Variants in EGFR observed in about 807,000 individuals in gnomAD.
The protein encoded by EGFR is avian erythroblastic leukemia viral (v-erb-b) oncogene homolog.
In EGFR, 58 loss-of-function variants were observed where a neutral mutation model predicts 143.0. The observed-to-expected ratio is 0.41, with a 90% CI of 0.33 to 0.50. The LOEUF is 0.50. EGFR is among the 20% of genes least tolerant of loss of function. EGFR has a pLI of 0.39. For synonymous variants in EGFR, 613 were observed against 594.4 expected, an observed-to-expected ratio of 1.03 and a Z score of -0.45; for missense variants, 1,307 against 1,579.0, an observed-to-expected ratio of 0.83 and a Z score of 2.92.
intron 1 of EGFR, among the ~76,000 whole-genome samples, chr7:55,078,057 C>G (rs950313933): frequency 2.6e-5 from 4 of 152,146 alleles, no homozygotes; most frequent in East Asian, 3.9e-4. Context: ...TTTAGAATAA[C>G]GTGCGCGAGT....
intron 1 of EGFR, among the ~76,000 whole-genome samples, chr7:55,123,855 G>A (rs116159231): frequency 0.023 from 3,548 of 151,492 alleles, 159 homozygotes; most frequent in African/African-American, 0.082. Flanking sequence ...GAATGTGCCC[G>A]TATGTGCATG....
chr7:55,172,880 T>C, intron 16 of EGFR, 103 bp from the exon 17 acceptor site: 5 of 1,609,750 alleles, frequency 3.1e-6, no homozygotes, highest in Non-Finnish European at 2.5e-6. Flanking sequence ...AAGATCATTC[T>C]ACAAGATGTC....
chr7:55,019,457 G>A (rs953142914), intron 1 of EGFR, 92 bp downstream of exon 1: 14 of 712,590 alleles, frequency 2.0e-5, no homozygotes, highest in Non-Finnish European at 2.6e-5. Flanking sequence ...CACCGGCTCG[G>A]CGCCCGCGCC....
intron 26 of EGFR, among the ~76,000 whole-genome samples, chr7:55,202,171 T>C (rs985932616): frequency 6.6e-6 from 1 of 152,228 alleles, no homozygotes; most frequent in African/African-American, 2.4e-5. Context: ...CTACTTCAAC[T>C]TAAATGTTAA....
rs17290075 is a variant in EGFR, at chr7:55,162,797, T to C, written c.1632-936T>C. On this transcript the variant is annotated intron_variant, in intron 13 of 27. Coordinates refer to ENST00000275493, the MANE Select transcript of EGFR (RefSeq NM_005228.5). ...GGGAGGATGAAAGGCACACACTTTT[T>C]TGTTGTTTTTTGAGACAGAGTCTCA... Among the ~76,000 whole-genome samples, 1,240 of 152,234 alleles carry C rather than the reference T, an allele frequency of 8.1e-3. 22 individuals are homozygous for C. The highest frequency in any genetic ancestry group is 0.028 in the African/African-American group (1,160 of 41,540).
chr7:55,173,850 A>G (rs2128953360), intron 17 of EGFR, 71 bp from the exon 18 acceptor site: 1 of 1,613,364 alleles, frequency 6.2e-7, no homozygotes, highest in African/African-American at 1.3e-5. Context: ...CTGCTGGGCC[A>G]TGTCTGGCAC....
intron 23 of EGFR, 135 bp from the exon 24 acceptor site, chr7:55,200,181 T>C (rs1584269473): frequency 2.3e-6 from 2 of 875,728 alleles, no homozygotes; most frequent in East Asian, 4.9e-5. Context: ...CAGAAAAGTC[T>C]ACCACAAAGA....
chr7:55,095,626 C>T (rs1464954585), intron 1 of EGFR, among the ~76,000 whole-genome samples: 1 of 152,164 alleles, frequency 6.6e-6, no homozygotes, highest in African/African-American at 2.4e-5. Context: ...CAGATACAAA[C>T]ACATACACAC....
intron 1 of EGFR, among the ~76,000 whole-genome samples, chr7:55,069,058 A>G (rs1339543488): frequency 6.6e-6 from 1 of 152,248 alleles, no homozygotes; most frequent in Non-Finnish European, 1.5e-5. Context: ...AAGTCTTCTT[A>G]CAAAGCAGTT....
At chr7:55,129,976 C>T (rs1793739886) in intron 1 of EGFR, among the ~76,000 whole-genome samples, 1 of 152,210 alleles carries the variant, frequency 6.6e-6, no homozygotes, top group South Asian at 2.1e-4. Context: ...TTTATTGGAG[C>T]ATGACTATAT....
At chr7:55,170,552 G>T (rs1786296207) in intron 15 of EGFR, 2 of 1,612,678 alleles carry the variant, frequency 1.2e-6, no homozygotes, top group African/African-American at 2.7e-5. Flanking sequence ...TGAGCCTCAT[G>T]CCTTCACGTG....
Position 55,146,493 on chromosome 7 carries a change from G to T in EGFR, c.425-113G>T, listed in dbSNP as rs17289665. The T allele has an allele frequency of 3.6e-3, 5,520 of 1,540,416 alleles. 75 individuals carry two copies. In the African/African-American group the frequency reaches 0.045, roughly 13 times the overall value. On this transcript the variant is annotated intron_variant, in intron 3 of 27. Coordinates refer to ENST00000275493, the MANE Select transcript of EGFR (RefSeq NM_005228.5). The stretch of plus-strand genomic sequence containing the variant: ...TCACTGGGCTAATTGCGGGACTCTT[G>T]TTCGCACCATGGCATCTCTTTAGCA...
At chr7:55,023,466 G>A (rs955508537) in intron 1 of EGFR, among the ~76,000 whole-genome samples, 4 of 151,938 alleles carry the variant, frequency 2.6e-5, no homozygotes, top group African/African-American at 7.3e-5. Flanking sequence ...TGACCAACAC[G>A]GTGAAACCCA....
chr7:55,173,989 T>C lies in EGFR; in HGVS notation c.2130T>C (p.Thr710=), dbSNP rs775986651. The change falls in exon 18 of 28, where the codon ACT becomes ACC. Residue 710 remains threonine, a synonymous_variant. Coordinates refer to ENST00000275493, the MANE Select transcript of EGFR (RefSeq NM_005228.5). ...NQALLRILKE[T]EFKKIKVLGS... is the part of the protein sequence containing the mutation. Reference sequence around the variant, plus strand: ...CTCTCTTGAGGATCTTGAAGGAAACTGAATTCAAAAAGATCAAAGTGCTGG... The same window carrying C: ...CTCTCTTGAGGATCTTGAAGGAAACCGAATTCAAAAAGATCAAAGTGCTGG... The C allele has an allele frequency of 2.5e-6, 4 of 1,614,220 alleles. No homozygotes were observed. The highest frequency in any genetic ancestry group is 2.2e-5 in the South Asian group (2 of 91,086).
At chr7:55,141,756 T>C (rs1004870819) in intron 1 of EGFR, among the ~76,000 whole-genome samples, 9 of 152,220 alleles carry the variant, frequency 5.9e-5, no homozygotes, top group Non-Finnish European at 7.3e-5. Context: ...TTTGTAAACA[T>C]TCATTGCACG....
intron 1 of EGFR, among the ~76,000 whole-genome samples, chr7:55,028,154 G>A (rs1787042374): frequency 6.6e-6 from 1 of 151,678 alleles, no homozygotes; most frequent in Non-Finnish European, 1.5e-5. Context: ...CATGCTTGCA[G>A]GCCAGTGCAC....
At chr7:55,131,584 C>T (rs552483469) in intron 1 of EGFR, among the ~76,000 whole-genome samples, 29 of 152,282 alleles carry the variant, frequency 1.9e-4, no homozygotes, top group African/African-American at 6.5e-4. Flanking sequence ...ACAGGCGGGG[C>T]GGCTTGGGCC....
At position 55,205,671 on chromosome 7, in the gene EGFR, C is replaced by T; in HGVS notation, c.*54C>T. ...TCCAGACTCTTTCGATACCCAGGAC[C>T]AAGCCACAGCAGGTCCTCCATCCCA... is the stretch of plus-strand genomic sequence containing the variant. On this transcript the variant is annotated 3_prime_UTR_variant, in exon 28 of 28. Transcript: ENST00000275493. The T allele has an allele frequency of 6.2e-7, 1 of 1,613,006 alleles. No homozygotes were observed. The highest frequency in any genetic ancestry group is 2.2e-5 in the East Asian group (1 of 44,882).
Position 55,174,194 on chromosome 7 carries a change from G to A in EGFR, c.2184+151G>A, listed in dbSNP as rs2128954087. 8 of 1,180,290 alleles carry A rather than the reference G, an allele frequency of 6.8e-6. No individual in the cohort carries two copies. In the South Asian group the frequency reaches 1.2e-4, roughly 18 times the overall value. 73.1% of individuals were successfully genotyped at this position (1,180,290 alleles called of 1,614,324 possible). A position where few individuals can be genotyped will look rare whatever the true frequency, so the allele number is the denominator to read the frequency against. The stretch of plus-strand genomic sequence containing the variant: ...TGGGAAACTCCAGTGTTTTTCCCAA[G>A]TTATTGAGAGGAAATCTTTTATAAC... On this transcript the variant is annotated intron_variant, in intron 18 of 27. Coordinates refer to ENST00000275493, the MANE Select transcript of EGFR (RefSeq NM_005228.5).
Sources: allele counts gnomAD v4.1 joint callset (sites outside exome capture counted in the v4.1 genomes callset), GRCh38; gene constraint gnomAD v4.1.1; transcripts MANE v1.5; gene names NCBI Gene and HGNC (gene_info 2026-07-23, HGNC 2026-07-21).